The following PPIC variants were observed in gnomAD, a reference collection of about 807,000 sequenced individuals.
PPIC encodes the protein peptidyl-prolyl cis-trans isomerase C.
A neutral mutation model predicts 19.5 loss-of-function variants in PPIC; 19 were observed. The ratio of observed to expected loss-of-function variants is 0.98; its 90% CI spans 0.68 to 1.43. PPIC has a LOEUF of 1.43. PPIC is among the 40% of genes most tolerant of loss of function. PPIC has a pLI of 0.00. For synonymous variants in PPIC, 107 were observed against 101.2 expected (o/e 1.06, Z -0.34); for missense variants, 268 against 268.6 (o/e 1.00, Z 0.02).
At chr5:123,029,513 A>G (rs1354236429) in intron 1 of PPIC, 95 bp from the exon 2 acceptor site, 16 of 1,454,244 alleles carry the variant, frequency 1.1e-5, no homozygotes, top group African/African-American at 2.8e-5. Context: ...TGACCCACAT[A>G]CAAAAGCCCT....
chr5:123,027,074 A>G (rs1762870336), intron 3 of PPIC, among the ~76,000 whole-genome samples: 1 of 152,066 alleles, frequency 6.6e-6, no homozygotes, highest in Non-Finnish European at 1.5e-5. Flanking sequence ...GGCGCCTGCA[A>G]TCCCAGCTAC....
intron 1 of PPIC, among the ~76,000 whole-genome samples, chr5:123,033,564 T>C (rs45462693): frequency 0.024 from 3,659 of 152,338 alleles, 74 homozygotes; most frequent in East Asian, 0.065. Flanking sequence ...TTACAGCTCA[T>C]AGCAGAGCCG....
intron 3 of PPIC, among the ~76,000 whole-genome samples, chr5:123,026,919 G>A (rs1025134831): frequency 1.3e-5 from 2 of 152,186 alleles, no homozygotes; most frequent in South Asian, 2.1e-4. Flanking sequence ...AGTAGGCTGG[G>A]TGCAGTGGCT....
chr5:123,034,858 T>C (rs1762984287), intron 1 of PPIC, among the ~76,000 whole-genome samples: 1 of 152,228 alleles, frequency 6.6e-6, no homozygotes, highest in Admixed American at 6.5e-5. Context: ...CCATCTGGAC[T>C]CTGGCATGGT....
rs751815540 is a variant in PPIC at position 123,023,674 on chromosome 5, C to T, written c.*201G>A. The T allele has an allele frequency of 1.1e-4, 79 of 736,196 alleles. No individual in the cohort carries two copies. The highest frequency in any genetic ancestry group is 1.4e-4 in the Non-Finnish European group (74 of 531,340). The allele number at this position is 736,196 out of a possible 1,614,324, so 45.6% of individuals were successfully genotyped here. A position where few individuals can be genotyped will look rare whatever the true frequency, so the allele number is the denominator to read the frequency against. ...AAGGGGATATATTTAAGTTCAAAGT[C>T]CCTAAGCAGGTGGTTTACTAAAGTT... On this transcript the variant is annotated 3_prime_UTR_variant, in exon 5 of 5. Transcript: ENST00000306442.
intron 1 of PPIC, among the ~76,000 whole-genome samples, chr5:123,033,340 T>C (rs561120899): frequency 1.3e-5 from 2 of 152,090 alleles, no homozygotes; most frequent in East Asian, 3.9e-4. Context: ...GAGTCATGGG[T>C]GTAGATCCCT....
Position 123,036,718 on chromosome 5 carries a change from G to T in PPIC, c.-93C>A. On this transcript the variant is annotated 5_prime_UTR_variant, in exon 1 of 5. Coordinates refer to ENST00000306442, the MANE Select transcript of PPIC (RefSeq NM_000943.5). The surrounding 1 kb of genome is among the most constrained non-coding windows in gnomAD (Gnocchi z 4.5). ...CAGCTGACGGGACTGCCGGCCGGCT[G>T]CGCCTGCGCGCTCCCGGTTGCGGGG... 9.3e-7 allele frequency: 1 copy of T among 1,077,816 alleles called. No individual in the cohort carries two copies. Among genetic ancestry groups the T allele is most frequent in the Non-Finnish European group, 1.3e-6 (1 of 756,802 alleles). 66.8% of individuals were successfully genotyped at this position (1,077,816 alleles called of 1,614,324 possible).
Position 123,036,554 on chromosome 5 carries a change from C to A in PPIC, c.72G>T (p.Ser24=), listed in dbSNP as rs777481445. The A allele has an allele frequency of 1.2e-4, 199 of 1,604,416 alleles. 1 individual carries two copies. The highest frequency in any genetic ancestry group is 1.6e-4 in the Non-Finnish European group (190 of 1,176,938). ...CTCGCTTGCGGAAGCCCTCGGCCCC[C>A]GAAGAAAACACAAGTGCGCCGAGCC... ...CVGLGALVFS[S]GAEGFRKRGP... is the part of the protein sequence containing the mutation. Residue 24 remains serine, a synonymous_variant, in exon 1 of 5, where the codon TCG becomes TCT. Coordinates refer to ENST00000306442, the MANE Select transcript of PPIC (RefSeq NM_000943.5). This position sits in a 1 kb window ranked among gnomAD's most constrained non-coding sequence, Gnocchi z 4.5.
chr5:123,025,234 T>C (rs1348938405), intron 4 of PPIC, among the ~76,000 whole-genome samples: 3 of 152,214 alleles, frequency 2.0e-5, no homozygotes, highest in African/African-American at 4.8e-5. Context: ...ATTTACATTG[T>C]TGTGCAACCA....
In PPIC at chr5:123,025,915, A is replaced by G. The variant is rs1356145171; in HGVS notation, c.379T>C (p.Tyr127His). The G allele has an allele frequency of 5.6e-6, 9 of 1,612,432 alleles. No homozygotes were observed. Among genetic ancestry groups the G allele is most frequent in the Non-Finnish European group, 7.6e-6 (9 of 1,179,644 alleles). The change falls in exon 4 of 5, where the codon TAT (tyrosine) becomes CAT (histidine). Residue 127 changes from tyrosine to histidine, a missense_variant. By Grantham distance (83) the Tyr-to-His change is moderately conservative. Coordinates refer to ENST00000306442, the MANE Select transcript of PPIC (RefSeq NM_000943.5). ...GCCATGCTGACCCACCCAATGCCAT[A>G]GTGCTTCAGCTTGAAGTTCTCATCT... ...FPDENFKLKH[Y>H]GIGWVSMANA...
intron 1 of PPIC, among the ~76,000 whole-genome samples, chr5:123,034,653 A>T (rs1173728047): frequency 6.6e-6 from 1 of 152,248 alleles, no homozygotes; most frequent in Non-Finnish European, 1.5e-5. Context: ...ACGTACTTAC[A>T]CTAAAAACAT....
chr5:123,036,370 A>C lies in PPIC; in HGVS notation c.117+139T>G. The C allele has an allele frequency of 6.9e-5, 49 of 706,434 alleles. No individual in the cohort carries two copies. Among genetic ancestry groups the C allele is most frequent in the Non-Finnish European group, 5.2e-5 (22 of 421,546 alleles). The allele number at this position is 706,434 out of a possible 1,614,324, so 43.8% of individuals were successfully genotyped here. A position where few individuals can be genotyped will look rare whatever the true frequency, so the allele number is the denominator to read the frequency against. On this transcript the variant is annotated intron_variant, in intron 1 of 4. Transcript: ENST00000306442. The surrounding 1 kb of genome is among the most constrained non-coding windows in gnomAD (Gnocchi z 4.5). ...GCACGCGAGCAGCCCCCTCCCACCC[A>C]GTCCCGCGGCCGCCTCCAGTCCCCC...
chr5:123,030,600 T>C (rs984401860), intron 1 of PPIC, among the ~76,000 whole-genome samples: 4 of 152,180 alleles, frequency 2.6e-5, no homozygotes, highest in Admixed American at 6.5e-5. Context: ...CCATGTGGCA[T>C]TTTACAATTT....
At position 123,025,917 on chromosome 5, in the gene PPIC, T is replaced by G; in HGVS notation, c.377A>C (p.His126Pro). The G allele has an allele frequency of 6.2e-7, 1 of 1,611,900 alleles. No homozygotes were observed. Among genetic ancestry groups the G allele is most frequent in the Non-Finnish European group, 8.5e-7 (1 of 1,179,412 alleles). The part of the protein sequence containing the change: ...TFPDENFKLK[H>P]YGIGWVSMAN... The stretch of plus-strand genomic sequence containing the variant: ...CATGCTGACCCACCCAATGCCATAG[T>G]GCTTCAGCTTGAAGTTCTCATCTGG... The change falls in exon 4 of 5, where the codon CAC becomes CCC. Residue 126 changes from histidine to proline, a missense_variant. Physicochemically the swap from His to Pro is moderately conservative, Grantham distance 77. Transcript: ENST00000306442.
At position 123,023,807 on chromosome 5, in the gene PPIC, AACACACAC is replaced by A. The variant is rs70988555; in HGVS notation, c.*60_*67del. ...AAAGCAAATAATTGAAAGACAACAC[AACACACAC>A]ACACACACACACACACACACACCCC... On this transcript the variant is annotated 3_prime_UTR_variant, in exon 5 of 5. Transcript: ENST00000306442. 67 of 1,294,830 alleles carry A rather than the reference AACACACAC, an allele frequency of 5.2e-5. No individual in the cohort carries two copies. The highest frequency in any genetic ancestry group is 1.8e-4 in the Admixed American group (7 of 38,402). The allele number at this position is 1,294,830 out of a possible 1,614,324, so 80.2% of individuals were successfully genotyped here. A position where few individuals can be genotyped will look rare whatever the true frequency, so the allele number is the denominator to read the frequency against.
Position 123,036,527 on chromosome 5 carries a change from G to T in PPIC, c.99C>A (p.Gly33=). 6.2e-7 allele frequency: 1 copy of T among 1,606,516 alleles called. No individual in the cohort carries two copies. ...SSGAEGFRKR[G]PSVTAKVFFD... is the part of the protein sequence containing the mutation. ...CGGTCACCTTGGCCGTCACCGAGGG[G>T]CCTCGCTTGCGGAAGCCCTCGGCCC... Residue 33 remains glycine (G), a synonymous_variant, in exon 1 of 5, where the codon GGC becomes GGA. Transcript: ENST00000306442. This position sits in a 1 kb window ranked among gnomAD's most constrained non-coding sequence, Gnocchi z 4.5.
In PPIC at chr5:123,029,373, C is replaced by A. The variant is rs1282568236; in HGVS notation, c.163G>T (p.Val55Leu). ...ACAACTTTTCCAAAGAGGCCAATCA[C>A]AATTCTGCCAACATCTTTGTCTCCA... is the stretch of plus-strand genomic sequence containing the variant. ...RIGDKDVGRI[V>L]IGLFGKVVPK... is the part of the protein sequence containing the mutation. The change falls in exon 2 of 5, where the codon GTG becomes TTG. Residue 55 changes from valine to leucine, a missense_variant. Val to Leu is a conservative substitution (Grantham distance 32, BLOSUM62 1). Transcript: ENST00000306442. 6 of 1,609,736 alleles carry A rather than the reference C, an allele frequency of 3.7e-6. No homozygotes were observed. The highest frequency in any genetic ancestry group is 5.1e-6 in the Non-Finnish European group (6 of 1,177,542).
In PPIC at chr5:123,025,772, G is replaced by GT. The variant is rs1762842070; in HGVS notation, c.510+11dup. 1.2e-6 allele frequency: 2 copies of GT among 1,607,784 alleles called. 1 individual carries two copies. The highest frequency in any genetic ancestry group is 2.2e-5 in the South Asian group (2 of 89,054). On this transcript the variant is annotated intron_variant, in intron 4 of 4. Transcript: ENST00000306442. ...TATAAAGCTTTGAAAGGAAAAAAATGTATCAATTTACCATCCCATCAATGA... is the reference window on the plus strand; with the variant it reads ...TATAAAGCTTTGAAAGGAAAAAAATGTTATCAATTTACCATCCCATCAATGA...
intron 1 of PPIC, 109 bp from the exon 2 acceptor site, chr5:123,029,527 C>T: frequency 7.0e-7 from 1 of 1,430,114 alleles, no homozygotes; most frequent in Non-Finnish European, 9.2e-7. Context: ...AAGCCCTGCC[C>T]ATCAGTATTT....
Sources: gnomAD v4.1 joint callset for allele counts (sites outside exome capture counted in the v4.1 genomes callset) on GRCh38, gnomAD v4.1.1 for gene constraint, Gnocchi (gnomAD v3.1) non-coding constraint, MANE v1.5 for transcripts, NCBI Gene and HGNC (gene_info 2026-07-23, HGNC 2026-07-21) for gene names.